Variants in ESRRG observed in about 807,000 individuals in gnomAD.
ESRRG encodes estrogen-related receptor gamma.
In ESRRG, 13 loss-of-function variants were observed where a neutral mutation model predicts 44.0. The ratio of observed to expected loss-of-function variants is 0.30; its 90% CI spans 0.19 to 0.47. The LOEUF is 0.47. ESRRG is among the 20% of genes least tolerant of loss of function. The probability of loss-of-function intolerance (pLI) is 1.00; values close to 1 mark genes in which losing one functional copy is unlikely to be tolerated. For missense variants in ESRRG, 395 were observed against 580.6 expected, an observed-to-expected ratio of 0.68 and a Z score of 3.29; for synonymous variants, 215 against 214.6, an observed-to-expected ratio of 1.00 and a Z score of -0.02.
intron 3 of ESRRG, among the ~76,000 whole-genome samples, chr1:216,621,276 C>T (rs146813674): frequency 2.2e-4 from 33 of 152,158 alleles, no homozygotes; most frequent in African/African-American, 8.0e-4. Context: ...AAAATTATGC[C>T]TGTCTAGTTC....
chr1:216,685,327 G>A (rs2077733430), intron 1 of ESRRG, among the ~76,000 whole-genome samples: 1 of 152,146 alleles, frequency 6.6e-6, no homozygotes, highest in Non-Finnish European at 1.5e-5. Flanking sequence ...TTCAGTGTTA[G>A]AGGTTTACTA....
chr1:216,576,438 A>AG (rs913893378), intron 3 of ESRRG, among the ~76,000 whole-genome samples: 1 of 151,996 alleles, frequency 6.6e-6, no homozygotes, highest in Non-Finnish European at 1.5e-5. Flanking sequence ...ACAATTAGCA[A>AG]GGGGAAGTCT....
At chr1:216,788,892 G>A (rs1043102148) in intron 2 of ESRRG, among the ~76,000 whole-genome samples, 8 of 152,118 alleles carry the variant, frequency 5.3e-5, no homozygotes, top group African/African-American at 1.9e-4. Flanking sequence ...GTGGAGGGAG[G>A]AGCTGTAGTT....
chr1:216,783,564 C>T (rs547936995), intron 2 of ESRRG, among the ~76,000 whole-genome samples: 3 of 152,046 alleles, frequency 2.0e-5, no homozygotes, highest in Non-Finnish European at 4.4e-5. Flanking sequence ...TATATCTTCT[C>T]GTGCTAAAAG....
At chr1:216,574,161 T>C (rs1415073852) in intron 3 of ESRRG, among the ~76,000 whole-genome samples, 1 of 152,168 alleles carries the variant, frequency 6.6e-6, no homozygotes, top group Non-Finnish European at 1.5e-5. Context: ...TTTCCATTCA[T>C]GTGTAGACTG....
At chr1:216,861,472 C>T (rs1405540501) in intron 2 of ESRRG, among the ~76,000 whole-genome samples, 7 of 151,960 alleles carry the variant, frequency 4.6e-5, no homozygotes, top group Admixed American at 1.3e-4. Context: ...CAAAATATCA[C>T]ACTGCATCTC....
intron 3 of ESRRG, among the ~76,000 whole-genome samples, chr1:216,641,571 T>C (rs1464180631): frequency 2.0e-5 from 3 of 152,218 alleles, no homozygotes; most frequent in Admixed American, 2.0e-4. Context: ...TTATAAGAAA[T>C]GTGGTTCTGA....
intron 3 of ESRRG, among the ~76,000 whole-genome samples, chr1:216,611,211 C>CACA (rs2060617562): frequency 1.7e-5 from 1 of 60,424 alleles, no homozygotes; most frequent in Non-Finnish European, 2.7e-5. Context: ...ACTCCGTCCT[C>CACA]AAAAAAAAAA....
intron 1 of ESRRG, among the ~76,000 whole-genome samples, chr1:217,028,978 T>C (rs1560525018): frequency 6.6e-6 from 1 of 152,172 alleles, no homozygotes; most frequent in Non-Finnish European, 1.5e-5. Context: ...TGGACCCCTC[T>C]TTATCTTTAA....
chr1:217,112,386 G>T (rs1410803998), intron 1 of ESRRG, among the ~76,000 whole-genome samples: 1 of 152,156 alleles, frequency 6.6e-6, no homozygotes, highest in African/African-American at 2.4e-5. Context: ...AGGCCTTCAA[G>T]GAGATAAGAA....
intron 1 of ESRRG, among the ~76,000 whole-genome samples, chr1:216,942,291 A>C (rs2065372741): frequency 6.6e-6 from 1 of 152,150 alleles, no homozygotes; most frequent in African/African-American, 2.4e-5. Context: ...TATAGGTACC[A>C]CATTTCCTTA....
At chr1:216,989,941 G>A (rs1394657557) in intron 1 of ESRRG, among the ~76,000 whole-genome samples, 1 of 152,178 alleles carries the variant, frequency 6.6e-6, no homozygotes, top group Admixed American at 6.5e-5. Flanking sequence ...GTGCATGGGG[G>A]AGGAGACAGA....
At chr1:216,730,438 C>T (rs182435540) in intron 2 of ESRRG, among the ~76,000 whole-genome samples, 3 of 152,074 alleles carry the variant, frequency 2.0e-5, no homozygotes, top group South Asian at 4.1e-4. Context: ...TTTATAAGCA[C>T]ATTTTAACTA....
intron 2 of ESRRG, among the ~76,000 whole-genome samples, chr1:216,939,360 A>C (rs1436218281): frequency 1.4e-5 from 2 of 142,366 alleles, no homozygotes; most frequent in South Asian, 2.1e-4. Flanking sequence ...AAAAAAAAAA[A>C]AAAAAAAAAA....
chr1:216,785,858 T>C (rs2094110304), intron 2 of ESRRG, among the ~76,000 whole-genome samples: 1 of 152,062 alleles, frequency 6.6e-6, no homozygotes, highest in Non-Finnish European at 1.5e-5. Flanking sequence ...ACTGACATGT[T>C]CTATTTAAAA....
chr1:216,591,154 A>G (rs2057597916), intron 3 of ESRRG, among the ~76,000 whole-genome samples: 1 of 152,204 alleles, frequency 6.6e-6, no homozygotes, highest in South Asian at 2.1e-4. Context: ...AGTCTTGATT[A>G]AAAACTTAGA....
At chr1:216,973,795 C>T (rs1348000410) in intron 1 of ESRRG, among the ~76,000 whole-genome samples, 4 of 145,090 alleles carry the variant, frequency 2.8e-5, no homozygotes, top group Non-Finnish European at 6.0e-5. Flanking sequence ...CATTGCACTC[C>T]AGTCTGGGCA....
chr1:216,508,727 A>G (rs1013902764), intron 6 of ESRRG, among the ~76,000 whole-genome samples: 1 of 152,214 alleles, frequency 6.6e-6, no homozygotes, highest in African/African-American at 2.4e-5. Flanking sequence ...AAAAACATTC[A>G]TAGAGATGAT....
intron 1 of ESRRG, among the ~76,000 whole-genome samples, chr1:217,003,993 T>C (rs2077404885): frequency 6.6e-6 from 1 of 151,954 alleles, no homozygotes; most frequent in Non-Finnish European, 1.5e-5. Flanking sequence ...ATCTTATTAA[T>C]CATAATCTCA....
Sources: allele counts gnomAD v4.1 joint callset (sites outside exome capture counted in the v4.1 genomes callset), GRCh38; gene constraint gnomAD v4.1.1; transcripts MANE v1.5; gene names NCBI Gene and HGNC (gene_info 2026-07-23, HGNC 2026-07-21).